The following SSH2 variants were observed in gnomAD, a reference collection of about 807,000 sequenced individuals.
SSH2 encodes the protein protein phosphatase Slingshot homolog 2.
Under a neutral mutation model 135.2 loss-of-function variants are expected in SSH2, and 37 were observed. The ratio of observed to expected loss-of-function variants is 0.27; its 90% CI spans 0.21 to 0.36. The LOEUF is 0.36. Among genes scored for constraint, SSH2 ranks in the 10% least tolerant of loss-of-function variants. The probability of loss-of-function intolerance (pLI) is 1.00; values close to 1 mark genes in which losing one functional copy is unlikely to be tolerated. For synonymous variants in SSH2, 628 were observed against 646.2 expected (o/e 0.97, Z 0.43); for missense variants, 1,408 against 1,765.3 (o/e 0.80, Z 3.63).
chr17:29,919,280 T>G (rs2066934380), intron 1 of SSH2, among the ~76,000 whole-genome samples: 1 of 152,186 alleles, frequency 6.6e-6, no homozygotes, highest in Non-Finnish European at 1.5e-5. Flanking sequence ...CCATAAAAAC[T>G]AAGCTGGAAC....
At chr17:29,815,368 C>A (rs560358606) in intron 2 of SSH2, among the ~76,000 whole-genome samples, 1 of 151,804 alleles carries the variant, frequency 6.6e-6, no homozygotes, top group African/African-American at 2.4e-5. Flanking sequence ...GTGATCCGCC[C>A]GCCTTGGCCT....
At chr17:29,733,736 A>C (rs544488384) in intron 3 of SSH2, among the ~76,000 whole-genome samples, 1 of 152,302 alleles carries the variant, frequency 6.6e-6, no homozygotes, top group African/African-American at 2.4e-5. Flanking sequence ...CAATACTTTA[A>C]AAAGGGTCAA....
At chr17:29,770,141 C>T (rs1255415454) in intron 3 of SSH2, among the ~76,000 whole-genome samples, 1 of 140,446 alleles carries the variant, frequency 7.1e-6, no homozygotes, top group Non-Finnish European at 1.5e-5. Context: ...ACTCCATTAC[C>T]CAGGCTGGAG....
At chr17:29,692,781 C>A (rs995780560) in intron 5 of SSH2, among the ~76,000 whole-genome samples, 3 of 152,128 alleles carry the variant, frequency 2.0e-5, no homozygotes, top group African/African-American at 7.2e-5. Context: ...GAGGTGTACT[C>A]CAAGTGTGAT....
intron 2 of SSH2, among the ~76,000 whole-genome samples, chr17:29,800,851 A>G (rs1343859740): frequency 6.6e-6 from 1 of 151,150 alleles, no homozygotes; most frequent in Non-Finnish European, 1.5e-5. Flanking sequence ...GGAACCATTA[A>G]GTCTTTTTTT....
intron 3 of SSH2, among the ~76,000 whole-genome samples, chr17:29,785,966 G>GTTTTTGTACAAAAAAC (rs2041955269): frequency 6.6e-6 from 1 of 151,890 alleles, no homozygotes; most frequent in Non-Finnish European, 1.5e-5. Context: ...CATCACGCCC[G>GTTTTTGTACAAAAAAC]GCTAGTTTTT....
intron 14 of SSH2, chr17:29,647,883 G>A (rs962932922): frequency 5.4e-5 from 20 of 373,612 alleles, no homozygotes; most frequent in African/African-American, 3.3e-4. Context: ...GGCTGGTCTC[G>A]AACTCCTGAC....
intron 2 of SSH2, among the ~76,000 whole-genome samples, chr17:29,848,632 G>A (rs1396250894): frequency 2.0e-5 from 3 of 152,126 alleles, no homozygotes; most frequent in Non-Finnish European, 4.4e-5. Context: ...AATAACTTTT[G>A]AGTGGTCATT....
intron 1 of SSH2, among the ~76,000 whole-genome samples, chr17:29,852,808 C>T (rs982220089): frequency 4.6e-5 from 7 of 151,944 alleles, no homozygotes; most frequent in Non-Finnish European, 8.8e-5. Flanking sequence ...CCTCGGCCTC[C>T]CAAAGTGCTG....
chr17:29,732,347 T>C (rs778960108), intron 3 of SSH2, among the ~76,000 whole-genome samples: 1 of 152,236 alleles, frequency 6.6e-6, no homozygotes, highest in Admixed American at 6.5e-5. Context: ...GGCTTTACCT[T>C]TCACATTTGG....
chr17:29,750,724 G>A (rs1404563304), intron 3 of SSH2, among the ~76,000 whole-genome samples: 1 of 151,370 alleles, frequency 6.6e-6, no homozygotes, highest in Admixed American at 6.6e-5. Flanking sequence ...TTTTTAAAAT[G>A]TATTTTTTTG....
At chr17:29,695,314 A>C in intron 5 of SSH2, 145 bp downstream of exon 5, 1 of 563,170 alleles carries the variant, frequency 1.8e-6, no homozygotes, top group Non-Finnish European at 3.1e-6. Flanking sequence ...TAAACCATCA[A>C]ATTATTTCAC....
intron 3 of SSH2, among the ~76,000 whole-genome samples, chr17:29,736,174 G>A (rs902265061): frequency 1.3e-5 from 2 of 152,150 alleles, no homozygotes; most frequent in African/African-American, 4.8e-5. Flanking sequence ...AAGCCCTACA[G>A]TACTAGACGT....
chr17:29,633,133 A>G (rs1020708782), intron 15 of SSH2, among the ~76,000 whole-genome samples: 1 of 152,202 alleles, frequency 6.6e-6, no homozygotes, highest in African/African-American at 2.4e-5. Context: ...TAGACATAAC[A>G]TTTGTTATAG....
At chr17:29,828,375 T>C (rs1325959874) in intron 2 of SSH2, among the ~76,000 whole-genome samples, 2 of 152,198 alleles carry the variant, frequency 1.3e-5, no homozygotes, top group Non-Finnish European at 2.9e-5. Context: ...ACTTTTAGAA[T>C]AGATTCCCAA....
At chr17:29,700,193 A>G (rs1006563037) in intron 4 of SSH2, among the ~76,000 whole-genome samples, 5 of 152,180 alleles carry the variant, frequency 3.3e-5, no homozygotes, top group Non-Finnish European at 7.3e-5. Context: ...CTTAGTAATT[A>G]CAATTTTTTT....
At position 29,666,146 on chromosome 17, in the gene SSH2, G is replaced by A. The variant is rs2037264414; in HGVS notation, c.1032+721C>T. 2.0e-5 allele frequency among the ~76,000 whole-genome samples: 3 copies of A among 152,278 alleles called. No individual in the cohort carries two copies. In the South Asian group the frequency reaches 6.2e-4, roughly 32 times the overall value. On this transcript the variant is annotated intron_variant, in intron 11 of 15. Transcript: ENST00000540801. ...CAGCACTTTGGGAAGGACTAGGTGA[G>A]TGGATTGCTTGAGCTCAGGAGTTCG...
At chr17:29,760,209 A>G (rs1464102555) in intron 3 of SSH2, among the ~76,000 whole-genome samples, 1 of 152,206 alleles carries the variant, frequency 6.6e-6, no homozygotes, top group African/African-American at 2.4e-5. Context: ...GGATAATGTA[A>G]AGTTTCTGTT....
At position 29,847,503 on chromosome 17, in the gene SSH2, A is replaced by G. The variant is rs182964075; in HGVS notation, c.144+1346T>C. 4.1e-3 allele frequency among the ~76,000 whole-genome samples: 621 copies of G among 152,258 alleles called. 7 individuals carry two copies. Among genetic ancestry groups the G allele is most frequent in the Non-Finnish European group, 3.8e-3 (260 of 68,020 alleles). On this transcript the variant is annotated intron_variant, in intron 2 of 15. Transcript: ENST00000540801. ...GTTTTTTTGAGGGAGGGTGGTGCTC[A>G]ATAGGAGACAGTTATCTAAATGACA...
Sources: gnomAD v4.1 joint callset for allele counts (sites outside exome capture counted in the v4.1 genomes callset) on GRCh38, gnomAD v4.1.1 for gene constraint, MANE v1.5 for transcripts, NCBI Gene and HGNC (gene_info 2026-07-23, HGNC 2026-07-21) for gene names.